Variants in PEX11B observed in about 807,000 individuals in gnomAD.
The protein encoded by PEX11B is peroxisomal membrane protein 11B.
In PEX11B, 18 loss-of-function variants were observed where a neutral mutation model predicts 28.2. The ratio of observed to expected loss-of-function variants is 0.64; its 90% confidence interval spans 0.44 to 0.95. The LOEUF (loss-of-function observed/expected upper bound fraction) is 0.95, where lower values mean the gene tolerates loss of function less well. PEX11B is among the 40% of genes least tolerant of loss of function. PEX11B has a pLI of 0.00. For synonymous variants in PEX11B, 128 were observed against 128.7 expected (o/e 0.99, Z 0.04); for missense variants, 305 against 319.8 (o/e 0.95, Z 0.35).
chr1:145,917,286 C>T (rs782114125), intron 2 of PEX11B, among the ~76,000 whole-genome samples: 70 of 152,086 alleles, frequency 4.6e-4, no homozygotes, highest in Non-Finnish European at 9.3e-4. Flanking sequence ...CAAAAATTAG[C>T]CCGGCATGGT....
In PEX11B at chr1:145,916,908, A is replaced by G; in HGVS notation, c.283T>C (p.Leu95=). ...AGGACATTGTCACAGGCGAAGTACAAGGCTCGATTGAGGTGACTAACAGTG... is the reference window on the plus strand; with the variant it reads ...AGGACATTGTCACAGGCGAAGTACAGGGCTCGATTGAGGTGACTAACAGTG... ...CITVSHLNRA[L]YFACDNVLWA... is the part of the protein sequence containing the mutation. Residue 95 remains leucine, a synonymous_variant, in exon 3 of 4, where the codon TTG becomes CTG. Coordinates refer to ENST00000369306, the MANE Select transcript of PEX11B (RefSeq NM_003846.3). 1 of 1,613,996 alleles carries G rather than the reference A, an allele frequency of 6.2e-7. No homozygotes were observed. The highest frequency in any genetic ancestry group is 8.5e-7 in the Non-Finnish European group (1 of 1,179,858).
Position 145,912,458 on chromosome 1 carries a change from T to C in PEX11B, c.483A>G (p.Gly161=), listed in dbSNP as rs148000769. ...TTTCACTTCCTCCTGGGACTCCTCC[T>C]CCAGAACCTTTCAGTCGCCGGCTAC... ...SACSRRLKGS[G]GGVPGGSETG... The change falls in exon 4 of 4, where the codon GGA becomes GGG. Residue 161 remains glycine, a synonymous_variant. Transcript: ENST00000369306. 386 of 1,526,586 alleles carry C rather than the reference T, an allele frequency of 2.5e-4. 1 individual carries two copies. The African/African-American group carries it at 4.6e-3, about 18-fold the overall frequency. The allele number at this position is 1,526,586 out of a possible 1,614,324, so 94.6% of individuals were successfully genotyped here.
At chr1:145,916,693 C>G in intron 3 of PEX11B, 124 bp downstream of exon 3, 1 of 681,106 alleles carries the variant, frequency 1.5e-6, no homozygotes, top group Admixed American at 2.6e-5. Flanking sequence ...TGATTGGAAG[C>G]CAAGTGACTG....
intron 1 of PEX11B, 60 bp downstream of exon 1, chr1:145,918,573 C>T (rs1647554349): frequency 2.6e-6 from 4 of 1,562,194 alleles, no homozygotes; most frequent in Middle Eastern, 1.7e-4. Flanking sequence ...CTTCGCCTCA[C>T]TAGAGTCTTC....
At chr1:145,916,230 C>T (rs1647370129) in intron 3 of PEX11B, among the ~76,000 whole-genome samples, 1 of 152,280 alleles carries the variant, frequency 6.6e-6, no homozygotes, top group Non-Finnish European at 1.5e-5. Flanking sequence ...TTGGAAATGT[C>T]TTTTCTGCTA....
Position 145,911,652 on chromosome 1 carries a change from G to C in PEX11B, c.*509C>G, listed in dbSNP as rs1657790775. 6.1e-6 allele frequency: 1 copy of C among 163,322 alleles called. No homozygotes were observed. Among genetic ancestry groups the C allele is most frequent in the Non-Finnish European group, 1.4e-5 (1 of 73,082 alleles). 10.1% of individuals were successfully genotyped at this position (163,322 alleles called of 1,614,324 possible). On this transcript the variant is annotated 3_prime_UTR_variant, in exon 4 of 4. Coordinates refer to ENST00000369306, the MANE Select transcript of PEX11B (RefSeq NM_003846.3). ...AACATCCAACAACTTGTGGTGCAGA[G>C]ATATAAGGGAAGAGTCCACTGGCAC...
chr1:145,918,331 T>G, intron 1 of PEX11B: 1 of 1,510,556 alleles, frequency 6.6e-7, no homozygotes, highest in Admixed American at 2.0e-5. Context: ...CTATCCACCG[T>G]GGGGCGAATG....
intron 3 of PEX11B, among the ~76,000 whole-genome samples, chr1:145,914,420 T>A (rs1303882596): frequency 6.6e-6 from 1 of 151,536 alleles, no homozygotes; most frequent in Non-Finnish European, 1.5e-5. Flanking sequence ...CAGCTCTCCA[T>A]GGTTTTCTTC....
At chr1:145,913,037 G>A (rs993173715) in intron 3 of PEX11B, among the ~76,000 whole-genome samples, 4 of 109,874 alleles carry the variant, frequency 3.6e-5, no homozygotes, top group East Asian at 2.8e-4. Context: ...GCAGTGAGCC[G>A]AGATCTCACC....
chr1:145,916,686 T>C (rs2101862377), intron 3 of PEX11B, 131 bp downstream of exon 3: 2 of 656,578 alleles, frequency 3.0e-6, no homozygotes, highest in East Asian at 2.6e-5. Flanking sequence ...ATCTAAGTGA[T>C]TGGAAGCCAA....
intron 1 of PEX11B, chr1:145,918,359 G>T (rs1412510739): frequency 2.0e-6 from 3 of 1,528,902 alleles, no homozygotes; most frequent in Non-Finnish European, 2.6e-6. Flanking sequence ...TTCCATCACC[G>T]CCCAGTGAGG....
chr1:145,911,512 G>T lies in PEX11B; in HGVS notation c.*649C>A, dbSNP rs375120674. The T allele has an allele frequency of 6.9e-5, 11 of 160,212 alleles. No homozygotes were observed. The South Asian group carries it at 1.8e-3, about 27-fold the overall frequency. The allele number at this position is 160,212 out of a possible 1,614,324, so 9.9% of individuals were successfully genotyped here. A position where few individuals can be genotyped will look rare whatever the true frequency, so the allele number is the denominator to read the frequency against. On this transcript the variant is annotated 3_prime_UTR_variant, in exon 4 of 4. Coordinates refer to ENST00000369306, the MANE Select transcript of PEX11B (RefSeq NM_003846.3). Reference sequence around the variant, plus strand: ...CGACAAAGGAGTAAGAACAGACTGGGGAATAAAGCTCTGAAATCAAAGTGT... The same window carrying T: ...CGACAAAGGAGTAAGAACAGACTGGTGAATAAAGCTCTGAAATCAAAGTGT...
At position 145,917,769 on chromosome 1, in the gene PEX11B, T is replaced by C. The variant is rs782268243; in HGVS notation, c.104A>G (p.His35Arg). ...CSLLGHALQRHGASPELQKQI... is the reference protein window; with the variant it reads ...CSLLGHALQRRGASPELQKQI... ...TTTCTGTAACTCAGGACTGGCTCCA[T>C]GCCTCTGCAGCGCATGGCCAAGAAG... The change falls in exon 2 of 4, where the codon CAT (histidine) becomes CGT (arginine). Residue 35 changes from histidine (H) to arginine (R), a missense_variant. By Grantham distance (29) the His-to-Arg change is conservative. Transcript: ENST00000369306. 18 of 1,613,864 alleles carry C rather than the reference T, an allele frequency of 1.1e-5. No individual in the cohort carries two copies. The highest frequency in any genetic ancestry group is 2.2e-5 in the South Asian group (2 of 91,094).
chr1:145,911,764 C>T lies in PEX11B; in HGVS notation c.*397G>A, dbSNP rs1174572044. ...TGAGAAAAAAGAAGGCAGTTAGAAC[C>T]TTACAGGCCAAACCTTATACCTCCC... is the stretch of plus-strand genomic sequence containing the variant. On this transcript the variant is annotated 3_prime_UTR_variant, in exon 4 of 4. Transcript: ENST00000369306. 6.4e-6 allele frequency: 1 copy of T among 155,722 alleles called. No individual in the cohort carries two copies. The highest frequency in any genetic ancestry group is 1.4e-5 in the Non-Finnish European group (1 of 69,968). 9.6% of individuals were successfully genotyped at this position (155,722 alleles called of 1,614,324 possible). A position where few individuals can be genotyped will look rare whatever the true frequency, so the allele number is the denominator to read the frequency against.
chr1:145,916,097 A>C (rs1553753856), intron 3 of PEX11B, among the ~76,000 whole-genome samples: 1 of 152,286 alleles, frequency 6.6e-6, no homozygotes, highest in Non-Finnish European at 1.5e-5. Flanking sequence ...GTGCCTGTCT[A>C]TCTCTCAAAT....
chr1:145,918,332 G>A lies in PEX11B; in HGVS notation c.56+301C>T. ...GGCAGAGTCTGGGGCTATCCACCGT[G>A]GGGCGAATGCTCCTCATTCCATCAC... On this transcript the variant is annotated intron_variant, in intron 1 of 3. Transcript: ENST00000369306. 3 of 1,511,054 alleles carry A rather than the reference G, an allele frequency of 2.0e-6. No homozygotes were observed. In the Admixed American group the frequency reaches 6.0e-5, roughly 30 times the overall value. The allele number at this position is 1,511,054 out of a possible 1,614,324, so 93.6% of individuals were successfully genotyped here.
intron 1 of PEX11B, chr1:145,918,295 C>T (rs1352715453): frequency 6.8e-7 from 1 of 1,468,530 alleles, no homozygotes; most frequent in African/African-American, 1.4e-5. Flanking sequence ...GGAGTGCCTC[C>T]TCAGCTCTGG....
chr1:145,918,482 G>GCTCAAATCTGCGC, intron 1 of PEX11B, 151 bp downstream of exon 1: 2 of 1,536,876 alleles, frequency 1.3e-6, no homozygotes, highest in South Asian at 1.2e-5. Context: ...CTCAACAGCG[G>GCTCAAATCTGCGC]CTCAAATCTG....
At chr1:145,914,021 AT>A (rs1423749621) in intron 3 of PEX11B, among the ~76,000 whole-genome samples, 1 of 152,216 alleles carries the variant, frequency 6.6e-6, no homozygotes, top group Non-Finnish European at 1.5e-5. Flanking sequence ...ACCCCCAACA[AT>A]CTATTTTCAT....
Sources: allele counts gnomAD v4.1 joint callset (sites outside exome capture counted in the v4.1 genomes callset), GRCh38; gene constraint gnomAD v4.1.1; transcripts MANE v1.5; gene names NCBI Gene and HGNC (gene_info 2026-07-23, HGNC 2026-07-21).